The following TUBGCP5 variants were observed in gnomAD, a reference collection of about 807,000 sequenced individuals.
TUBGCP5 encodes the protein gamma-tubulin complex component 5.
In TUBGCP5, 98 loss-of-function variants were observed where a neutral mutation model predicts 134.7. The observed-to-expected ratio is 0.73, with a 90% confidence interval of 0.62 to 0.86. The LOEUF is 0.86. TUBGCP5 is among the 40% of genes least tolerant of loss of function. The pLI, the probability that TUBGCP5 is intolerant of heterozygous loss-of-function variation, is 0.00. For missense variants in TUBGCP5, 1,150 were observed against 1,244.8 expected, an observed-to-expected ratio of 0.92 and a Z score of 1.15; for synonymous variants, 456 against 431.4, an observed-to-expected ratio of 1.06 and a Z score of -0.71.
chr15:22,996,166 T>C (rs914292096), downstream of TUBGCP5, among the ~76,000 whole-genome samples: 4 of 152,242 alleles, frequency 2.6e-5, no homozygotes, highest in African/African-American at 7.2e-5. Flanking sequence ...CATGTTAACC[T>C]TTGTAAGAAA....
At chr15:23,035,414 T>G (rs541785521) in intron 3 of TUBGCP5, among the ~76,000 whole-genome samples, 1 of 151,854 alleles carries the variant, frequency 6.6e-6, no homozygotes, top group Non-Finnish European at 1.5e-5. Context: ...ACTGGTTTTG[T>G]GGAAGACAAT....
In TUBGCP5 at chr15:23,032,711, G is replaced by A. The variant is rs1180664814; in HGVS notation, c.406+17C>T. 1.3e-6 allele frequency: 2 copies of A among 1,490,356 alleles called. No individual in the cohort carries two copies. The highest frequency in any genetic ancestry group is 1.8e-6 in the Non-Finnish European group (2 of 1,107,082). 92.3% of individuals were successfully genotyped at this position (1,490,356 alleles called of 1,614,324 possible). A position where few individuals can be genotyped will look rare whatever the true frequency, so the allele number is the denominator to read the frequency against. On this transcript the variant is annotated intron_variant, in intron 4 of 22. Transcript: ENST00000615383. ...TTCTCTTTTACTTCTCATATGTTAA[G>A]GAATCTAGTAACATACCCACTTCTT...
chr15:23,019,160 C>T lies in TUBGCP5; in HGVS notation c.1487+59G>A. ...GAAACTAACGAAAGCATTTGATTTT[C>T]ATGGGGAGGAAACTGGTGATGCCAG... is the stretch of plus-strand genomic sequence containing the variant. On this transcript the variant is annotated intron_variant, in intron 12 of 22. Transcript: ENST00000615383. The T allele has an allele frequency of 2.4e-6, 3 of 1,235,554 alleles. No homozygotes were observed. The South Asian group carries it at 3.8e-5, about 16-fold the overall frequency. The allele number at this position is 1,235,554 out of a possible 1,614,324, so 76.5% of individuals were successfully genotyped here.
rs778333589 is a variant in TUBGCP5 at position 23,006,140 on chromosome 15, C to G, written c.2445G>C (p.Leu815Phe). The change falls in exon 18 of 23, where the codon TTG becomes TTC. Residue 815 changes from leucine to phenylalanine, a missense_variant. Physicochemically the swap from Leu to Phe is conservative, Grantham distance 22 (BLOSUM62 0). Coordinates refer to ENST00000615383, the MANE Select transcript of TUBGCP5 (RefSeq NM_052903.6). ...VPWPVDIVIS[L>F]ECQKIYNQVF... The stretch of plus-strand genomic sequence containing the variant: ...CTTGATTATAAATTTTTTGACATTC[C>G]AAACTTATAACAATGTCCACGGGCC... The G allele has an allele frequency of 6.2e-7, 1 of 1,610,956 alleles. No individual in the cohort carries two copies. The highest frequency in any genetic ancestry group is 8.5e-7 in the Non-Finnish European group (1 of 1,179,354).
chr15:23,015,335 C>T (rs1178765184), intron 13 of TUBGCP5, among the ~76,000 whole-genome samples: 1 of 151,186 alleles, frequency 6.6e-6, no homozygotes, highest in Admixed American at 6.6e-5. Flanking sequence ...ATCCACCTGC[C>T]TTGGCCTCCG....
chr15:23,028,809 AGATTT>A (rs1222487519), intron 6 of TUBGCP5, among the ~76,000 whole-genome samples: 20 of 152,112 alleles, frequency 1.3e-4, no homozygotes, highest in African/African-American at 4.3e-4. Context: ...GCCAGAAAAG[AGATTT>A]GATCATGTCA....
At chr15:23,027,117 C>T (rs1312084806) in intron 7 of TUBGCP5, 75 bp downstream of exon 7, 7 of 1,148,606 alleles carry the variant, frequency 6.1e-6, no homozygotes, top group Non-Finnish European at 8.7e-6. Flanking sequence ...GAACTTAAGT[C>T]ACAAATCAAA....
intron 21 of TUBGCP5, among the ~76,000 whole-genome samples, chr15:23,001,846 A>G (rs2064406040): frequency 6.6e-6 from 1 of 152,134 alleles, no homozygotes; most frequent in South Asian, 2.1e-4. Context: ...GTATAAATGT[A>G]TACTTTAAAG....
chr15:22,995,574 C>CAAAAAAAA (rs397794497), downstream of TUBGCP5, among the ~76,000 whole-genome samples: 2 of 121,706 alleles, frequency 1.6e-5, no homozygotes, highest in African/African-American at 5.8e-5. Context: ...GGCTCCGTCT[C>CAAAAAAAA]AAAAAAAAAA....
intron 11 of TUBGCP5, among the ~76,000 whole-genome samples, chr15:23,019,969 C>A (rs2065574240): frequency 6.6e-6 from 1 of 151,772 alleles, no homozygotes; most frequent in Non-Finnish European, 1.5e-5. Flanking sequence ...CTATTACTAG[C>A]AAAGCATCCA....
intron 22 of TUBGCP5, among the ~76,000 whole-genome samples, chr15:23,000,073 G>A (rs922023884): frequency 2.0e-5 from 3 of 152,096 alleles, no homozygotes; most frequent in Non-Finnish European, 2.9e-5. Context: ...ACCATGCCTA[G>A]CTCATTTTTG....
Position 23,010,054 on chromosome 15 carries a change from TCA to T in TUBGCP5, c.2033_2034del (p.Val678AspfsTer6), listed in dbSNP as rs780643218. ...AGCGTTAATTCAAAAGTCTGGCATG[TCA>T]CAGATTCCGATGATCTATCCACACA... ...DVCVDRSSES[V>X]TCQTFELTLR... On this transcript the variant is annotated frameshift_variant, in exon 15 of 23. Coordinates refer to ENST00000615383, the MANE Select transcript of TUBGCP5 (RefSeq NM_052903.6). LOFTEE classifies it high-confidence loss of function. The T allele has an allele frequency of 1.2e-6, 2 of 1,614,166 alleles. No individual in the cohort carries two copies. Among genetic ancestry groups the T allele is most frequent in the Non-Finnish European group, 1.7e-6 (2 of 1,180,022 alleles).
At chr15:22,992,765 G>A (rs1006226512) in intron 23 of TUBGCP5, among the ~76,000 whole-genome samples, 4 of 152,166 alleles carry the variant, frequency 2.6e-5, no homozygotes, top group African/African-American at 9.7e-5. Flanking sequence ...CTTTCACTAA[G>A]TAGCAGCAGA....
At chr15:23,021,212 C>T (rs906263627) in intron 11 of TUBGCP5, among the ~76,000 whole-genome samples, 2 of 152,150 alleles carry the variant, frequency 1.3e-5, no homozygotes, top group Non-Finnish European at 2.9e-5. Flanking sequence ...CTCAAGTGAT[C>T]CTCTCACCTC....
chr15:23,036,021 C>T lies in TUBGCP5; in HGVS notation c.309+876G>A, dbSNP rs375214040. Among the ~76,000 whole-genome samples, 32 of 152,278 alleles carry T rather than the reference C, an allele frequency of 2.1e-4. No individual in the cohort carries two copies. In the East Asian group the frequency reaches 4.6e-3, roughly 22 times the overall value. On this transcript the variant is annotated intron_variant, in intron 3 of 22. Coordinates refer to ENST00000615383, the MANE Select transcript of TUBGCP5 (RefSeq NM_052903.6). ...AGTTTAATATTAAAACGTGAGCTTC[C>T]TCAGGCAGGAGAAAGGGAAAGAACT...
chr15:23,039,501 G>C lies in TUBGCP5; in HGVS notation c.43C>G (p.Gln15Glu). Residue 15 changes from glutamine (Q) to glutamate (E), a missense_variant, in exon 1 of 23, where the codon CAG becomes GAG. Physicochemically the swap from Gln to Glu is conservative, Grantham distance 29. Coordinates refer to ENST00000615383, the MANE Select transcript of TUBGCP5 (RefSeq NM_052903.6). ...ACGAGCTCCCGCACGTCGCGCTCCT[G>C]CTGCGCGTCCAACCGACTCCACGGT... is the stretch of plus-strand genomic sequence containing the variant. Reference protein sequence around the residue: ...GPPWSRLDAQQERDVRELVRG... With the variant: ...GPPWSRLDAQEERDVRELVRG... 6.6e-7 allele frequency: 1 copy of C among 1,511,568 alleles called. No homozygotes were observed. Among genetic ancestry groups the C allele is most frequent in the Non-Finnish European group, 8.9e-7 (1 of 1,123,092 alleles). 93.6% of individuals were successfully genotyped at this position (1,511,568 alleles called of 1,614,324 possible).
At chr15:23,032,349 T>C (rs1189148054) in intron 4 of TUBGCP5, among the ~76,000 whole-genome samples, 1 of 152,174 alleles carries the variant, frequency 6.6e-6, no homozygotes, top group African/African-American at 2.4e-5. Context: ...GAAAATGGTG[T>C]AGTATGTGCA....
At chr15:23,023,361 AC>A (rs1479086237) in intron 10 of TUBGCP5, 1 of 152,122 alleles carries the variant, frequency 6.6e-6, no homozygotes, top group Non-Finnish European at 1.5e-5. Context: ...AACCTACCCT[AC>A]AGATAACTCA....
At chr15:23,016,059 G>T (rs2065295387) in intron 13 of TUBGCP5, among the ~76,000 whole-genome samples, 1 of 152,086 alleles carries the variant, frequency 6.6e-6, no homozygotes, top group Non-Finnish European at 1.5e-5. Flanking sequence ...AAATCTTAAG[G>T]AAACTCGGTG....
Sources: gnomAD v4.1 joint callset for allele counts (sites outside exome capture counted in the v4.1 genomes callset) on GRCh38, gnomAD v4.1.1 for gene constraint, MANE v1.5 for transcripts, NCBI Gene and HGNC (gene_info 2026-07-23, HGNC 2026-07-21) for gene names.